Variants in FHIT observed in about 807,000 individuals in gnomAD.
FHIT encodes the protein bis(5'-adenosyl)-triphosphatase.
FHIT carries 19 observed loss-of-function variants against 17.9 expected under a neutral mutation model. That is an observed-to-expected ratio of 1.06 (90% CI 0.74 to 1.56). The LOEUF (loss-of-function observed/expected upper bound fraction) is 1.56, where lower values mean the gene tolerates loss of function less well. FHIT is among the 40% of genes most tolerant of loss of function. The probability of loss-of-function intolerance (pLI) is 0.00; values close to 1 mark genes in which losing one functional copy is unlikely to be tolerated. For missense variants in FHIT, 248 were observed against 189.2 expected (o/e 1.31, Z -1.82); for synonymous variants, 81 against 69.7 (o/e 1.16, Z -0.81).
intron 5 of FHIT, among the ~76,000 whole-genome samples, chr3:60,322,716 G>C (rs1709489362): frequency 6.6e-6 from 1 of 152,170 alleles, no homozygotes; most frequent in Non-Finnish European, 1.5e-5. Flanking sequence ...ATGATCACAT[G>C]GGTAGTCACA....
intron 7 of FHIT, among the ~76,000 whole-genome samples, chr3:59,928,078 A>G (rs1260019874): frequency 1.3e-5 from 2 of 152,184 alleles, no homozygotes; most frequent in African/African-American, 4.8e-5. Context: ...ACCCTGCTCC[A>G]CAGCTGGTGT....
chr3:60,121,621 T>C (rs1161490851), intron 5 of FHIT, among the ~76,000 whole-genome samples: 1 of 151,518 alleles, frequency 6.6e-6, no homozygotes, highest in East Asian at 1.9e-4. Context: ...GAGGCGGAGG[T>C]GGCAGTGAGC....
intron 4 of FHIT, among the ~76,000 whole-genome samples, chr3:60,668,087 G>A (rs1448277601): frequency 6.6e-6 from 1 of 151,918 alleles, no homozygotes; most frequent in African/African-American, 2.4e-5. Flanking sequence ...CCTTGTTGCT[G>A]GTTATGTCTT....
At chr3:60,081,916 T>A (rs1181924944) in intron 5 of FHIT, among the ~76,000 whole-genome samples, 1 of 151,922 alleles carries the variant, frequency 6.6e-6, no homozygotes, top group East Asian at 1.9e-4. Flanking sequence ...AGTGATTTTT[T>A]TTTTTGTTCT....
chr3:60,098,504 T>G (rs888251036), intron 5 of FHIT, among the ~76,000 whole-genome samples: 6 of 152,270 alleles, frequency 3.9e-5, no homozygotes, highest in Non-Finnish European at 7.4e-5. Flanking sequence ...TTTGGCTGCA[T>G]AAATGTCTTC....
At chr3:60,202,761 A>G (rs752011492) in intron 5 of FHIT, among the ~76,000 whole-genome samples, 1 of 152,150 alleles carries the variant, frequency 6.6e-6, no homozygotes, top group Non-Finnish European at 1.5e-5. Flanking sequence ...CAACTTTGTA[A>G]GATCAAAAGG....
intron 5 of FHIT, among the ~76,000 whole-genome samples, chr3:60,224,542 G>A (rs1239018099): frequency 6.6e-6 from 1 of 151,912 alleles, no homozygotes; most frequent in Non-Finnish European, 1.5e-5. Flanking sequence ...AGCCATCCAT[G>A]AGGGTACCCA....
intron 5 of FHIT, among the ~76,000 whole-genome samples, chr3:60,068,044 T>C (rs1408418952): frequency 6.6e-6 from 1 of 152,108 alleles, no homozygotes. Context: ...GAGACCAGCC[T>C]GGTCAACGTG....
intron 3 of FHIT, among the ~76,000 whole-genome samples, chr3:61,007,001 C>T (rs370802842): frequency 6.6e-6 from 1 of 152,128 alleles, no homozygotes; most frequent in South Asian, 2.1e-4. Context: ...ATGTGCATAA[C>T]ATTTTAATAT....
intron 5 of FHIT, among the ~76,000 whole-genome samples, chr3:60,275,576 A>T (rs892003082): frequency 2.0e-5 from 3 of 152,164 alleles, no homozygotes; most frequent in African/African-American, 7.2e-5. Context: ...CATTCATCTT[A>T]TATCCACTAC....
chr3:60,019,886 T>C (rs1053605395), intron 5 of FHIT, among the ~76,000 whole-genome samples: 3 of 152,248 alleles, frequency 2.0e-5, no homozygotes, highest in Non-Finnish European at 4.4e-5. Context: ...TACACTGAGA[T>C]GGCAAAACAT....
chr3:60,435,611 A>C (rs2030150329), intron 5 of FHIT, among the ~76,000 whole-genome samples: 1 of 152,048 alleles, frequency 6.6e-6, no homozygotes, highest in Admixed American at 6.6e-5. Context: ...GATAAATGCC[A>C]GATTGAGTTA....
chr3:60,621,144 A>ATTTTTT (rs11370683), intron 4 of FHIT, among the ~76,000 whole-genome samples: 15 of 95,072 alleles, frequency 1.6e-4, no homozygotes, highest in Admixed American at 2.6e-4. Context: ...TCTACTTTTG[A>ATTTTTT]TTTTTTTTTT....
chr3:60,232,400 T>C (rs529564688), intron 5 of FHIT, among the ~76,000 whole-genome samples: 1 of 152,298 alleles, frequency 6.6e-6, no homozygotes, highest in East Asian at 1.9e-4. Context: ...CTTATCCCCC[T>C]TAACATATAT....
intron 5 of FHIT, among the ~76,000 whole-genome samples, chr3:60,032,391 G>A (rs1333900979): frequency 6.6e-6 from 1 of 151,998 alleles, no homozygotes; most frequent in African/African-American, 2.4e-5. Context: ...GTTCAAAGTT[G>A]CAGTAAGCTA....
chr3:60,375,735 C>T (rs1559864653), intron 5 of FHIT, among the ~76,000 whole-genome samples: 1 of 152,068 alleles, frequency 6.6e-6, no homozygotes. Flanking sequence ...CCCTCAATCA[C>T]AAATTTTCAC....
chr3:60,973,556 G>A (rs543436072), intron 3 of FHIT, among the ~76,000 whole-genome samples: 5 of 152,176 alleles, frequency 3.3e-5, no homozygotes, highest in East Asian at 1.9e-4. Flanking sequence ...AACTCCACTG[G>A]TCAGGAAAGA....
At chr3:60,007,320 T>C (rs1699963474) in intron 7 of FHIT, among the ~76,000 whole-genome samples, 1 of 152,196 alleles carries the variant, frequency 6.6e-6, no homozygotes, top group African/African-American at 2.4e-5. Flanking sequence ...TTCGTGGAAA[T>C]TTTAGTCTTC....
intron 5 of FHIT, among the ~76,000 whole-genome samples, chr3:60,025,175 T>G (rs1279234485): frequency 1.3e-5 from 2 of 152,200 alleles, no homozygotes; most frequent in South Asian, 2.1e-4. Flanking sequence ...AGACTTTTCT[T>G]TCTTGAATTT....
Sources: gnomAD v4.1 joint callset for allele counts (sites outside exome capture counted in the v4.1 genomes callset) on GRCh38, gnomAD v4.1.1 for gene constraint, MANE v1.5 for transcripts, NCBI Gene and HGNC (gene_info 2026-07-23, HGNC 2026-07-21) for gene names.